Variants in FCHSD2 observed in about 807,000 individuals in gnomAD.
FCHSD2 encodes FCH and double SH3 domains 2.
A neutral mutation model predicts 108.1 loss-of-function variants in FCHSD2; 38 were observed. The ratio of observed to expected loss-of-function variants is 0.35; its 90% CI spans 0.27 to 0.46. The LOEUF (loss-of-function observed/expected upper bound fraction) is 0.46, where lower values mean the gene tolerates loss of function less well. Among genes scored for constraint, FCHSD2 ranks in the 20% least tolerant of loss-of-function variants. The probability of loss-of-function intolerance (pLI) is 1.00; values close to 1 mark genes in which losing one functional copy is unlikely to be tolerated. For missense variants in FCHSD2, 751 were observed against 897.8 expected (o/e 0.84, Z 2.09); for synonymous variants, 279 against 314.7 (o/e 0.89, Z 1.20).
chr11:72,903,959 G>A (rs1195095903), intron 9 of FCHSD2, among the ~76,000 whole-genome samples: 1 of 152,096 alleles, frequency 6.6e-6, no homozygotes, highest in African/African-American at 2.4e-5. Context: ...GGGATAAGGG[G>A]GATATATAGA....
intron 2 of FCHSD2, among the ~76,000 whole-genome samples, chr11:73,120,436 CA>C (rs1455186121): frequency 6.6e-6 from 1 of 152,132 alleles, no homozygotes; most frequent in Non-Finnish European, 1.5e-5. Flanking sequence ...GGCTCAGAAA[CA>C]TATGAAGATA....
At chr11:72,847,016 A>G (rs1427659295) in intron 14 of FCHSD2, among the ~76,000 whole-genome samples, 1 of 152,106 alleles carries the variant, frequency 6.6e-6, no homozygotes, top group Non-Finnish European at 1.5e-5. Flanking sequence ...TATTTTTTAG[A>G]GGCAGGGTCT....
chr11:73,086,774 A>G (rs565621229), intron 2 of FCHSD2, among the ~76,000 whole-genome samples: 1 of 152,254 alleles, frequency 6.6e-6, no homozygotes, highest in African/African-American at 2.4e-5. Context: ...GTACACCAGC[A>G]AATTAGATAA....
chr11:72,872,378 C>T (rs1170648951), intron 12 of FCHSD2, among the ~76,000 whole-genome samples: 1 of 151,260 alleles, frequency 6.6e-6, no homozygotes, highest in Non-Finnish European at 1.5e-5. Context: ...ATGCAACCAT[C>T]ACCACAGTCA....
intron 4 of FCHSD2, among the ~76,000 whole-genome samples, chr11:73,013,978 A>G (rs1244695357): frequency 6.6e-6 from 1 of 152,012 alleles, no homozygotes; most frequent in Non-Finnish European, 1.5e-5. Flanking sequence ...ATTTCCTTAT[A>G]CCAGCAACAC....
At chr11:73,012,511 C>T (rs1857884134) in intron 4 of FCHSD2, among the ~76,000 whole-genome samples, 1 of 152,190 alleles carries the variant, frequency 6.6e-6, no homozygotes, top group Admixed American at 6.5e-5. Context: ...GAATTTAAAA[C>T]TACCAATGCA....
intron 9 of FCHSD2, among the ~76,000 whole-genome samples, chr11:72,917,563 T>C (rs1855898565): frequency 6.6e-6 from 1 of 152,190 alleles, no homozygotes. Context: ...TTGTTTAAAC[T>C]ATTCATGGTC....
At chr11:72,874,936 TAAAG>T (rs1854936136) in intron 12 of FCHSD2, among the ~76,000 whole-genome samples, 1 of 152,218 alleles carries the variant, frequency 6.6e-6, no homozygotes, top group Non-Finnish European at 1.5e-5. Context: ...TTGGAAGCTT[TAAAG>T]AGACAGAGCT....
chr11:73,002,440 T>C (rs1190626575), intron 4 of FCHSD2, among the ~76,000 whole-genome samples: 1 of 152,174 alleles, frequency 6.6e-6, no homozygotes, highest in East Asian at 1.9e-4. Context: ...ATGGCCTCAC[T>C]GCATGACAAC....
chr11:73,030,381 T>C (rs1298008213), intron 3 of FCHSD2, among the ~76,000 whole-genome samples: 1 of 152,106 alleles, frequency 6.6e-6, no homozygotes, highest in African/African-American at 2.4e-5. Context: ...CAAAAGGAGA[T>C]ATTTTCACAA....
intron 8 of FCHSD2, among the ~76,000 whole-genome samples, chr11:72,942,645 G>C (rs769113068): frequency 8.5e-5 from 13 of 152,072 alleles, no homozygotes; most frequent in Non-Finnish European, 1.8e-4. Flanking sequence ...TGGTACTTTG[G>C]TAATCAAATG....
chr11:73,000,906 A>T, intron 5 of FCHSD2, 84 bp downstream of exon 5: 1 of 1,229,934 alleles, frequency 8.1e-7, no homozygotes, highest in South Asian at 1.5e-5. Context: ...TATAGTTTTA[A>T]ATAAAATTTA....
At chr11:72,852,692 C>T (rs1389007218) in intron 13 of FCHSD2, among the ~76,000 whole-genome samples, 2 of 151,642 alleles carry the variant, frequency 1.3e-5, no homozygotes, top group South Asian at 2.1e-4. Context: ...CACACATGCA[C>T]GTGTATATTC....
intron 2 of FCHSD2, among the ~76,000 whole-genome samples, chr11:73,135,015 A>G (rs569097479): frequency 5.2e-4 from 79 of 152,000 alleles, no homozygotes; most frequent in African/African-American, 1.9e-3. Flanking sequence ...CACCATGCAC[A>G]CCTAATTTTT....
At position 72,837,880 on chromosome 11, in the gene FCHSD2, C is replaced by T. The variant is rs1860781385; in HGVS notation, c.*911G>A. On this transcript the variant is annotated 3_prime_UTR_variant, in exon 20 of 20. Transcript: ENST00000409418. Reference sequence around the variant, plus strand: ...GAATAAAATAATGCCGGGGCGTCCCCAGTAGAGAAGCTCAACAATGCAGGT... The same window carrying T: ...GAATAAAATAATGCCGGGGCGTCCCTAGTAGAGAAGCTCAACAATGCAGGT... The T allele has an allele frequency of 6.6e-6, 1 of 152,198 alleles. No homozygotes were observed. Among genetic ancestry groups the T allele is most frequent in the Non-Finnish European group, 1.5e-5 (1 of 68,046 alleles). The allele number at this position is 152,198 out of a possible 1,614,324, so 9.4% of individuals were successfully genotyped here. A position where few individuals can be genotyped will look rare whatever the true frequency, so the allele number is the denominator to read the frequency against.
At chr11:72,964,650 G>T (rs903207163) in intron 8 of FCHSD2, among the ~76,000 whole-genome samples, 4 of 152,086 alleles carry the variant, frequency 2.6e-5, no homozygotes, top group African/African-American at 9.7e-5. Context: ...GTTAACTTCC[G>T]AATCTACCTC....
At chr11:73,076,186 A>G (rs1030418611) in intron 3 of FCHSD2, among the ~76,000 whole-genome samples, 1 of 152,204 alleles carries the variant, frequency 6.6e-6, no homozygotes, top group Non-Finnish European at 1.5e-5. Context: ...CTCTTAGTAC[A>G]TACCCAAGAA....
intron 8 of FCHSD2, among the ~76,000 whole-genome samples, chr11:72,973,260 A>T (rs1477705319): frequency 6.6e-6 from 1 of 151,952 alleles, no homozygotes; most frequent in Non-Finnish European, 1.5e-5. Context: ...CCAGCTACTC[A>T]GGAGGCTGAG....
chr11:72,880,991 G>A (rs2365908), intron 12 of FCHSD2, among the ~76,000 whole-genome samples: 151,839 of 152,314 alleles, frequency 1, 75,683 homozygotes, highest in Middle Eastern at 1. Flanking sequence ...TATGGCTGAG[G>A]CTTTAAGGCC....
Sources: allele counts gnomAD v4.1 joint callset (sites outside exome capture counted in the v4.1 genomes callset), GRCh38; gene constraint gnomAD v4.1.1; transcripts MANE v1.5; gene names NCBI Gene and HGNC (gene_info 2026-07-23, HGNC 2026-07-21).